NEK1: variants seen among roughly 807,000 people sequenced by gnomAD.
The protein encoded by NEK1 is serine/threonine-protein kinase Nek1.
A neutral mutation model predicts 182.1 loss-of-function variants in NEK1; 137 were observed. The ratio of observed to expected loss-of-function variants is 0.75; its 90% CI spans 0.65 to 0.87. The LOEUF (loss-of-function observed/expected upper bound fraction) is 0.87. Ranked by LOEUF, NEK1 falls within the 40% of genes least tolerant of loss-of-function variation. NEK1 has a pLI of 0.00. For synonymous variants in NEK1, 513 were observed against 492.2 expected (o/e 1.04, Z -0.56); for missense variants, 1,391 against 1,494.4 (o/e 0.93, Z 1.14).
intron 27 of NEK1, among the ~76,000 whole-genome samples, chr4:169,459,111 T>C (rs1411635298): frequency 6.6e-6 from 1 of 150,744 alleles, no homozygotes; most frequent in Non-Finnish European, 1.5e-5. Context: ...ACTCAATCCG[T>C]ATTTGCAAAA....
chr4:169,432,599 A>T (rs575331581), intron 29 of NEK1, among the ~76,000 whole-genome samples: 2 of 152,336 alleles, frequency 1.3e-5, no homozygotes, highest in African/African-American at 4.8e-5. Flanking sequence ...TTGACCAAAA[A>T]TAAACAAGGT....
intron 9 of NEK1, among the ~76,000 whole-genome samples, chr4:169,586,366 A>G (rs914923039): frequency 3.3e-5 from 5 of 152,118 alleles, no homozygotes; most frequent in Middle Eastern, 3.2e-3. Context: ...AGTAAATTCA[A>G]TCTTACAGAA....
At chr4:169,421,711 G>T (rs1339795909) in intron 31 of NEK1, among the ~76,000 whole-genome samples, 1 of 152,166 alleles carries the variant, frequency 6.6e-6, no homozygotes, top group African/African-American at 2.4e-5. Context: ...CAGCCATGCG[G>T]AACTGTAAGT....
intron 12 of NEK1, among the ~76,000 whole-genome samples, chr4:169,571,179 A>AAAATAAAAAAAT (rs1554071076): frequency 2.0e-4 from 29 of 143,366 alleles, no homozygotes; most frequent in Non-Finnish European, 3.8e-4. Flanking sequence ...GATCAATAAA[A>AAAATAAAAAAAT]AAATAAATAA....
chr4:169,576,172 C>T (rs1765661072), intron 12 of NEK1, among the ~76,000 whole-genome samples: 1 of 151,928 alleles, frequency 6.6e-6, no homozygotes, highest in Non-Finnish European at 1.5e-5. Flanking sequence ...ACCATGTTGG[C>T]CAGGCTGGTC....
At position 169,487,137 on chromosome 4, in the gene NEK1, C is replaced by T. The variant is rs765718461; in HGVS notation, c.2008-7603G>A. 3.9e-5 allele frequency among the ~76,000 whole-genome samples: 6 copies of T among 152,134 alleles called. No homozygotes were observed. The East Asian group carries it at 7.7e-4, about 19-fold the overall frequency. ...TTAGGTATATACTGCCAAAGAATCA[C>T]AATAGTTAAGGCAGTGATTTTTTTT... On this transcript the variant is annotated intron_variant, in intron 23 of 35. Transcript: ENST00000507142.
intron 23 of NEK1, among the ~76,000 whole-genome samples, chr4:169,486,583 AATCTT>A (rs1479176146): frequency 1.3e-5 from 2 of 152,334 alleles, no homozygotes; most frequent in South Asian, 2.1e-4. Context: ...ATCATGGCCA[AATCTT>A]ATCAAATTCA....
chr4:169,395,453 G>A (rs1730524350), intron 35 of NEK1, among the ~76,000 whole-genome samples: 1 of 152,072 alleles, frequency 6.6e-6, no homozygotes, highest in African/African-American at 2.4e-5. Context: ...ATACTTCCAT[G>A]TATGAGTACT....
intron 16 of NEK1, among the ~76,000 whole-genome samples, chr4:169,557,716 T>C (rs904754704): frequency 3.3e-5 from 5 of 152,126 alleles, no homozygotes; most frequent in African/African-American, 1.2e-4. Flanking sequence ...GCAGATTGCT[T>C]GAGCTCAGGA....
intron 23 of NEK1, among the ~76,000 whole-genome samples, chr4:169,502,431 A>G (rs936810260): frequency 6.6e-6 from 1 of 152,062 alleles, no homozygotes; most frequent in Non-Finnish European, 1.5e-5. Context: ...GCACAACAAA[A>G]AAAGAAAACT....
intron 23 of NEK1, among the ~76,000 whole-genome samples, chr4:169,497,789 TTC>T: frequency 6.6e-6 from 1 of 152,250 alleles, no homozygotes; most frequent in Non-Finnish European, 1.5e-5. Context: ...ATAATTTCTG[TTC>T]TTTTACATTT....
In NEK1 at chr4:169,585,513, T is replaced by C. The variant is rs1767391560; in HGVS notation, c.643A>G (p.Ile215Val). The change falls in exon 10 of 36, where the codon ATA (isoleucine) becomes GTA (valine). Residue 215 changes from isoleucine to valine, a missense_variant. This residue lies in a region of NEK1 where 1,216 missense variants were observed against 1,277.6 expected (regional missense o/e 0.95). Coordinates refer to ENST00000507142, the MANE Select transcript of NEK1 (RefSeq NM_001199397.3). ...AGSMKNLVLKIISGSFPPVSL... is the reference protein window; with the variant it reads ...AGSMKNLVLKVISGSFPPVSL... ...ACAGGTGGAAAAGATCCAGATATTA[T>C]CTTCAGTACCAGGTTTTTCATACTG... is the stretch of plus-strand genomic sequence containing the variant. 6.2e-7 allele frequency: 1 copy of C among 1,613,338 alleles called. No individual in the cohort carries two copies. Among genetic ancestry groups the C allele is most frequent in the African/African-American group, 1.3e-5 (1 of 74,906 alleles).
chr4:169,552,013 G>A (rs1236908790), intron 18 of NEK1, among the ~76,000 whole-genome samples: 1 of 151,386 alleles, frequency 6.6e-6, no homozygotes, highest in African/African-American at 2.4e-5. Flanking sequence ...ATGAGAGGAA[G>A]GAAAAAAAGA....
intron 30 of NEK1, among the ~76,000 whole-genome samples, chr4:169,425,910 T>G (rs1736309695): frequency 6.6e-6 from 1 of 152,232 alleles, no homozygotes; most frequent in Non-Finnish European, 1.5e-5. Context: ...CAAGTAATTC[T>G]TTTCATTTTT....
Position 169,587,628 on chromosome 4 carries a change from A to C in NEK1, c.552-15T>G, listed in dbSNP as rs1767751314. 5 of 1,506,628 alleles carry C rather than the reference A, an allele frequency of 3.3e-6. No homozygotes were observed. The South Asian group carries it at 6.3e-5, about 19-fold the overall frequency. The allele number at this position is 1,506,628 out of a possible 1,614,324, so 93.3% of individuals were successfully genotyped here. On this transcript the variant is annotated splice_polypyrimidine_tract_variant and intron_variant, in intron 8 of 35. Transcript: ENST00000507142. ...CCCAAATGTCACTGGAGAAGATAAA[A>C]ATGAGAAATTTCCTCTAAGTATTTC...
chr4:169,498,634 T>C (rs1327099782), intron 23 of NEK1, among the ~76,000 whole-genome samples: 1 of 152,194 alleles, frequency 6.6e-6, no homozygotes, highest in East Asian at 1.9e-4. Context: ...TGCTTGTCTG[T>C]AAAGTATTTT....
intron 12 of NEK1, among the ~76,000 whole-genome samples, chr4:169,563,027 C>G (rs1763154677): frequency 6.6e-6 from 1 of 151,980 alleles, no homozygotes. Context: ...CTTTCTTTCA[C>G]AATTATCTTA....
At chr4:169,401,331 G>A (rs987549882) in intron 33 of NEK1, among the ~76,000 whole-genome samples, 4 of 152,148 alleles carry the variant, frequency 2.6e-5, no homozygotes, top group Non-Finnish European at 5.9e-5. Flanking sequence ...ATATGCAGAA[G>A]CTCTTTCTAA....
intron 27 of NEK1, among the ~76,000 whole-genome samples, chr4:169,439,610 T>C (rs1739046586): frequency 6.6e-6 from 1 of 152,166 alleles, no homozygotes; most frequent in African/African-American, 2.4e-5. Context: ...GCATTATTAT[T>C]ATTATTAAAG....
Sources: allele counts gnomAD v4.1 joint callset (sites outside exome capture counted in the v4.1 genomes callset), GRCh38; gene constraint gnomAD v4.1.1; regional missense constraint gnomAD v4.1.1; transcripts MANE v1.5; gene names NCBI Gene and HGNC (gene_info 2026-07-23, HGNC 2026-07-21).